NSD3: variants seen among roughly 807,000 people sequenced by gnomAD.
NSD3 encodes the protein histone-lysine N-methyltransferase NSD3.
A neutral mutation model predicts 160.8 loss-of-function variants in NSD3; 24 were observed. The observed-to-expected ratio is 0.15, with a 90% CI of 0.11 to 0.21. The LOEUF (loss-of-function observed/expected upper bound fraction) is 0.21. Ranked by LOEUF, NSD3 falls within the 10% of genes least tolerant of loss-of-function variation. The pLI is 1.00. For synonymous variants in NSD3, 520 were observed against 600.0 expected (o/e 0.87, Z 1.95); for missense variants, 1,157 against 1,735.9 (o/e 0.67, Z 5.93).
rs1809125648 is a variant in NSD3, at chr8:38,295,939, G to C, written c.2772C>G (p.Leu924=). The C allele has an allele frequency of 6.2e-7, 1 of 1,610,794 alleles. No individual in the cohort carries two copies. The highest frequency in any genetic ancestry group is 8.5e-7 in the Non-Finnish European group (1 of 1,178,906). The change falls in exon 16 of 24, where the codon CTC becomes CTG. Residue 924 remains leucine (L), a synonymous_variant. Coordinates refer to ENST00000317025, the MANE Select transcript of NSD3 (RefSeq NM_023034.2). Reference sequence around the variant, plus strand: ...AGGAAGCTGGGCACGATTCACAGCAGAGCAATCTTCCACCTTGAAACAAAT... The same window carrying C: ...AGGAAGCTGGGCACGATTCACAGCACAGCAATCTTCCACCTTGAAACAAAT... The part of the protein sequence containing the change: ...KKKCEKGGRL[L]CCESCPASFH...
rs1448991889 is a variant in NSD3 at position 38,275,068 on chromosome 8, T to C, written c.*573A>G. On this transcript the variant is annotated 3_prime_UTR_variant, in exon 24 of 24. Coordinates refer to ENST00000317025, the MANE Select transcript of NSD3 (RefSeq NM_023034.2). ...TTAATACTTCCATAGAGCCCTTCTC[T>C]AAGCCTATGAAAAGCATTTTGAAGG... 4.3e-6 allele frequency: 1 copy of C among 231,028 alleles called. No homozygotes were observed. Among genetic ancestry groups the C allele is most frequent in the East Asian group, 6.2e-5 (1 of 16,214 alleles). The allele number at this position is 231,028 out of a possible 1,614,324, so 14.3% of individuals were successfully genotyped here.
At position 38,354,851 on chromosome 8, in the gene NSD3, GC is replaced by G. The variant is rs531636076; in HGVS notation, c.-44-6637del. 2.4e-4 allele frequency among the ~76,000 whole-genome samples: 36 copies of G among 152,244 alleles called. No homozygotes were observed. In the East Asian group the frequency reaches 5.8e-3, roughly 24 times the overall value. ...CTGGTGCCATGTTCTAAGCAAACAA[GC>G]TAAAGGGGCCACATTGTTATATTTT... On this transcript the variant is annotated intron_variant, in intron 1 of 23. Coordinates refer to ENST00000317025, the MANE Select transcript of NSD3 (RefSeq NM_023034.2).
intron 1 of NSD3, among the ~76,000 whole-genome samples, chr8:38,378,777 C>G (rs1358048232): frequency 1.3e-5 from 2 of 149,886 alleles, no homozygotes; most frequent in South Asian, 2.1e-4. Context: ...GAACCGAGAT[C>G]GCACCATTGC....
chr8:38,362,256 C>G (rs1314108943), intron 1 of NSD3, among the ~76,000 whole-genome samples: 3 of 2,910 alleles, frequency 1.0e-3, no homozygotes, highest in Non-Finnish European at 1.1e-3. Flanking sequence ...TACAGTAAGG[C>G]GGGGGGGGGG....
Position 38,275,844 on chromosome 8 carries a change from T to C in NSD3, c.4111A>G (p.Ser1371Gly), listed in dbSNP as rs549372500. ...ECPWHQCDEC[S>G]SAAVSFCEFC... ...TCACAGAAGGAAACAGCTGCACTGC[T>C]GCACTCATCGCACTGATGCCACGGA... The change falls in exon 24 of 24, where the codon AGC (serine) becomes GGC (glycine). Residue 1371 changes from serine (S) to glycine (G), a missense_variant. By Grantham distance (56) the Ser-to-Gly change is moderately conservative. Transcript: ENST00000317025. 3 of 1,614,202 alleles carry C rather than the reference T, an allele frequency of 1.9e-6. No homozygotes were observed. In the East Asian group the frequency reaches 6.7e-5, roughly 36 times the overall value.
chr8:38,302,432 G>C (rs1809299055), intron 14 of NSD3, among the ~76,000 whole-genome samples: 1 of 152,164 alleles, frequency 6.6e-6, no homozygotes, highest in South Asian at 2.1e-4. Context: ...TGAAGGTTAT[G>C]TTTACCATAC....
intron 16 of NSD3, 85 bp from the exon 17 acceptor site, chr8:38,290,762 T>C (rs1486594873): frequency 1.4e-6 from 2 of 1,410,348 alleles, no homozygotes; most frequent in East Asian, 4.7e-5. Flanking sequence ...GGGAAAAAAG[T>C]TTTTGTATTT....
chr8:38,336,769 A>T (rs1733343336), intron 4 of NSD3, among the ~76,000 whole-genome samples: 1 of 152,228 alleles, frequency 6.6e-6, no homozygotes, highest in Non-Finnish European at 1.5e-5. Context: ...GTAGGGTATC[A>T]TAAGGGAAAC....
chr8:38,292,971 C>CA (rs1380617491), intron 16 of NSD3, among the ~76,000 whole-genome samples: 48 of 122,830 alleles, frequency 3.9e-4, no homozygotes, highest in South Asian at 1.3e-3. Flanking sequence ...GACTCTGTCT[C>CA]AAAAAAAAAT....
In NSD3 at chr8:38,295,860, C is replaced by T. The variant is rs775927470; in HGVS notation, c.2851G>A (p.Asp951Asn). Reference protein sequence around the residue: ...EMPEGCWNCNDCKAGKKLHYK... With the variant: ...EMPEGCWNCNNCKAGKKLHYK... ...TGTAGTTTCTTGCCAGCTTTACAGT[C>T]ATTACAATTCCAGCAGCCTTCTGGC... is the stretch of plus-strand genomic sequence containing the variant. The change falls in exon 16 of 24, where the codon GAC (aspartate) becomes AAC (asparagine). Residue 951 changes from aspartate to asparagine, a missense_variant. Physicochemically the swap from Asp to Asn is conservative, Grantham distance 23. Around this residue, in one of 10 missense-constraint regions of NSD3, gnomAD observed 437 missense variants for 576.6 expected, o/e 0.76. Coordinates refer to ENST00000317025, the MANE Select transcript of NSD3 (RefSeq NM_023034.2). 2 of 1,614,114 alleles carry T rather than the reference C, an allele frequency of 1.2e-6. No homozygotes were observed. Among genetic ancestry groups the T allele is most frequent in the Non-Finnish European group, 1.7e-6 (2 of 1,180,014 alleles).
Position 38,299,670 on chromosome 8 carries a change from T to C in NSD3, c.2612-80A>G, listed in dbSNP as rs1344428868. On this transcript the variant is annotated intron_variant, in intron 14 of 23. Coordinates refer to ENST00000317025, the MANE Select transcript of NSD3 (RefSeq NM_023034.2). The stretch of plus-strand genomic sequence containing the variant: ...TGAGGAAAAAATAAACCAACACCTA[T>C]TATGTATGCTTCAAAGCTGGGGTGG... The C allele has an allele frequency of 3.7e-6, 5 of 1,355,046 alleles. No homozygotes were observed. In the East Asian group the frequency reaches 1.1e-4, roughly 29 times the overall value. 83.9% of individuals were successfully genotyped at this position (1,355,046 alleles called of 1,614,324 possible). A position where few individuals can be genotyped will look rare whatever the true frequency, so the allele number is the denominator to read the frequency against.
intron 20 of NSD3, 149 bp from the exon 21 acceptor site, chr8:38,279,830 T>G: frequency 1.0e-5 from 8 of 769,452 alleles, no homozygotes; most frequent in African/African-American, 1.7e-5. Flanking sequence ...GCCTGGGTAA[T>G]TTACTAAGTT....
chr8:38,304,794 C>T (rs955952764), intron 13 of NSD3, 37 bp from the exon 14 acceptor site: 2 of 1,558,450 alleles, frequency 1.3e-6, no homozygotes, highest in Non-Finnish European at 1.7e-6. Context: ...TCTAATAAGG[C>T]ATCAGCGGGA....
chr8:38,335,868 A>C (rs948521665), intron 4 of NSD3: 1 of 152,254 alleles, frequency 6.6e-6, no homozygotes, highest in Non-Finnish European at 1.5e-5. Flanking sequence ...ATTGGATAAG[A>C]AAATATATAA....
rs1430885748 is a variant in NSD3 at position 38,349,891 on chromosome 8, T to C, written c.-44-1676A>G. Reference sequence around the variant, plus strand: ...TGACATTCCCCTTCCTGTGTCCAAGTGTTCTCACTGTTCAATTCCCACCTA... The same window carrying C: ...TGACATTCCCCTTCCTGTGTCCAAGCGTTCTCACTGTTCAATTCCCACCTA... On this transcript the variant is annotated intron_variant, in intron 1 of 23. Transcript: ENST00000317025. 3.3e-5 allele frequency among the ~76,000 whole-genome samples: 5 copies of C among 149,676 alleles called. No individual in the cohort carries two copies. In the East Asian group the frequency reaches 9.9e-4, roughly 29 times the overall value.
At chr8:38,369,331 A>C (rs1217691509) in intron 1 of NSD3, among the ~76,000 whole-genome samples, 1 of 152,190 alleles carries the variant, frequency 6.6e-6, no homozygotes, top group East Asian at 1.9e-4. Context: ...CATGAGTTGT[A>C]ATAAAACAGT....
intron 12 of NSD3, among the ~76,000 whole-genome samples, chr8:38,310,994 T>C (rs1283785110): frequency 6.6e-6 from 1 of 152,068 alleles, no homozygotes; most frequent in Non-Finnish European, 1.5e-5. Context: ...TGTTTTCTTT[T>C]TTCTTTTTTT....
At chr8:38,345,901 C>T (rs767044364) in intron 2 of NSD3, among the ~76,000 whole-genome samples, 2 of 152,092 alleles carry the variant, frequency 1.3e-5, no homozygotes, top group Non-Finnish European at 2.9e-5. Context: ...AAGAGTGAAA[C>T]TCCGTCTCAA....
intron 15 of NSD3, 67 bp from the exon 16 acceptor site, chr8:38,296,019 A>C: frequency 6.9e-7 from 1 of 1,450,184 alleles, no homozygotes; most frequent in Non-Finnish European, 9.2e-7. Context: ...AAAAAGGAGA[A>C]AGTTATCTTT....
Sources: allele counts gnomAD v4.1 joint callset (sites outside exome capture counted in the v4.1 genomes callset), GRCh38; gene constraint gnomAD v4.1.1; regional missense constraint gnomAD v4.1.1; transcripts MANE v1.5; gene names NCBI Gene and HGNC (gene_info 2026-07-23, HGNC 2026-07-21).